The following HEPACAM2 variants were observed in gnomAD, a reference collection of about 807,000 sequenced individuals.
The protein encoded by HEPACAM2 is HEPACAM family member 2, also known as mitotic kinetics regulator.
A neutral mutation model predicts 49.6 loss-of-function variants in HEPACAM2; 49 were observed. The observed-to-expected ratio is 0.99, with a 90% CI of 0.78 to 1.25. The LOEUF is 1.25. Among genes scored for constraint, HEPACAM2 ranks in the 50% most tolerant of loss-of-function variants. The pLI, the probability that HEPACAM2 is intolerant of heterozygous loss-of-function variation, is 0.00. For synonymous variants in HEPACAM2, 197 were observed against 202.9 expected (o/e 0.97, Z 0.25); for missense variants, 525 against 557.2 (o/e 0.94, Z 0.58).
At chr7:93,207,592 C>T (rs1040505404) in intron 4 of HEPACAM2, among the ~76,000 whole-genome samples, 9 of 151,942 alleles carry the variant, frequency 5.9e-5, no homozygotes, top group Admixed American at 1.3e-4. Context: ...GGACACAACT[C>T]GGTGACTGAA....
At chr7:93,205,538 A>G (rs1794006178) in intron 4 of HEPACAM2, 1 of 152,116 alleles carries the variant, frequency 6.6e-6, no homozygotes. Context: ...ACCAAACACC[A>G]ATTTGGTTCT....
intron 1 of HEPACAM2, among the ~76,000 whole-genome samples, chr7:93,225,576 CCTAT>C (rs1469386912): frequency 1.3e-5 from 2 of 152,062 alleles, no homozygotes; most frequent in Admixed American, 6.6e-5. Context: ...TAATTGAACT[CCTAT>C]CTGTTGAATA....
intron 1 of HEPACAM2, among the ~76,000 whole-genome samples, chr7:93,223,383 T>C (rs763788554): frequency 2.1e-4 from 32 of 152,124 alleles, no homozygotes; most frequent in Non-Finnish European, 4.3e-4. Flanking sequence ...AGAGAGTCCA[T>C]GACTAAAATT....
intron 4 of HEPACAM2, among the ~76,000 whole-genome samples, chr7:93,202,033 A>AAAAAAAAAAAAAAAAAAC (rs1562824501): frequency 2.1e-4 from 3 of 14,618 alleles, no homozygotes; most frequent in African/African-American, 3.1e-4. Flanking sequence ...AAAAAAAACC[A>AAAAAAAAAAAAAAAAAAC]AAAAAAAAAA....
intron 3 of HEPACAM2, among the ~76,000 whole-genome samples, chr7:93,214,920 G>C (rs1584349385): frequency 6.6e-6 from 1 of 152,228 alleles, no homozygotes; most frequent in South Asian, 2.1e-4. Context: ...TTTAAAGACA[G>C]GCAGGTAGGG....
In HEPACAM2 at chr7:93,188,897, A is replaced by G. The variant is rs984370720; in HGVS notation, c.*370T>C. ...TAAAGTTTCCACATTTGTAGGTGAG[A>G]CAGGATAGTCTCAGTGTTGATGATA... is the stretch of plus-strand genomic sequence containing the variant. On this transcript the variant is annotated 3_prime_UTR_variant, in exon 10 of 10. Transcript: ENST00000394468. 1.8e-5 allele frequency: 7 copies of G among 396,212 alleles called. No homozygotes were observed. Among genetic ancestry groups the G allele is most frequent in the Admixed American group, 1.3e-4 (3 of 22,748 alleles). The allele number at this position is 396,212 out of a possible 1,614,324, so 24.5% of individuals were successfully genotyped here.
upstream of HEPACAM2, among the ~76,000 whole-genome samples, chr7:93,227,311 C>T (rs1300635158): frequency 6.6e-6 from 1 of 152,052 alleles, no homozygotes; most frequent in Non-Finnish European, 1.5e-5. Flanking sequence ...ATTAGTTAAC[C>T]CCTATTTGCA....
At chr7:93,189,867 C>G (rs996237281) in intron 9 of HEPACAM2, among the ~76,000 whole-genome samples, 16 of 151,878 alleles carry the variant, frequency 1.1e-4, no homozygotes, top group African/African-American at 3.9e-4. Flanking sequence ...AGAGAGTCAC[C>G]AACCACCTAT....
At chr7:93,231,379 C>T (rs1363374478), upstream of HEPACAM2, among the ~76,000 whole-genome samples, 1 of 152,148 alleles carries the variant, frequency 6.6e-6, no homozygotes, top group Non-Finnish European at 1.5e-5. Flanking sequence ...ACCGATTAAT[C>T]CTTCAGTTTC....
intron 4 of HEPACAM2, among the ~76,000 whole-genome samples, chr7:93,206,251 G>A (rs1316727652): frequency 1.3e-5 from 2 of 151,964 alleles, no homozygotes; most frequent in Non-Finnish European, 2.9e-5. Flanking sequence ...TTATGTCTTG[G>A]TTTGCTACTG....
intron 2 of HEPACAM2, 103 bp from the exon 3 acceptor site, chr7:93,215,788 C>G: frequency 9.0e-7 from 1 of 1,112,606 alleles, no homozygotes; most frequent in Non-Finnish European, 1.3e-6. Flanking sequence ...ATTATTCCAG[C>G]ATTTTACACT....
intron 9 of HEPACAM2, among the ~76,000 whole-genome samples, chr7:93,189,783 T>C (rs1413773099): frequency 6.6e-6 from 1 of 152,000 alleles, no homozygotes; most frequent in Non-Finnish European, 1.5e-5. Flanking sequence ...CAGAAGTGAC[T>C]GCCAAATAAA....
chr7:93,230,198 TG>T, upstream of HEPACAM2, among the ~76,000 whole-genome samples: 1 of 152,264 alleles, frequency 6.6e-6, no homozygotes, highest in African/African-American at 2.4e-5. Flanking sequence ...AAAAACTTTT[TG>T]GGGGGATCAT....
upstream of HEPACAM2, among the ~76,000 whole-genome samples, chr7:93,229,916 T>C (rs563498703): frequency 8.5e-5 from 13 of 152,310 alleles, no homozygotes; most frequent in East Asian, 2.5e-3. Flanking sequence ...TTTCATATAG[T>C]GTTAAGGTAT....
chr7:93,202,549 A>C (rs1793922285), intron 4 of HEPACAM2, among the ~76,000 whole-genome samples: 1 of 152,084 alleles, frequency 6.6e-6, no homozygotes, highest in African/African-American at 2.4e-5. Context: ...CATGTGCTTC[A>C]AATCTTTCAC....
chr7:93,208,293 C>T (rs1237856305), intron 4 of HEPACAM2, among the ~76,000 whole-genome samples: 1 of 151,934 alleles, frequency 6.6e-6, no homozygotes, highest in Non-Finnish European at 1.5e-5. Flanking sequence ...TATTTTTGTT[C>T]ATAAAACTAG....
chr7:93,201,846 T>A (rs1390969238), intron 4 of HEPACAM2, among the ~76,000 whole-genome samples: 1 of 152,000 alleles, frequency 6.6e-6, no homozygotes, highest in East Asian at 1.9e-4. Flanking sequence ...TGTTGTTCTT[T>A]ACATAACTGG....
intron 2 of HEPACAM2, among the ~76,000 whole-genome samples, chr7:93,218,888 G>A (rs1209745828): frequency 6.6e-6 from 1 of 152,130 alleles, no homozygotes. Context: ...TATTGCACTA[G>A]GTATATCTCT....
intron 4 of HEPACAM2, among the ~76,000 whole-genome samples, chr7:93,207,034 G>C (rs1412145034): frequency 6.6e-6 from 1 of 152,022 alleles, no homozygotes; most frequent in Non-Finnish European, 1.5e-5. Context: ...GATCCAATAG[G>C]TCTGAGGTGT....
Sources: gnomAD v4.1 joint callset for allele counts (sites outside exome capture counted in the v4.1 genomes callset) on GRCh38, gnomAD v4.1.1 for gene constraint, MANE v1.5 for transcripts, NCBI Gene and HGNC (gene_info 2026-07-23, HGNC 2026-07-21) for gene names.